Variants in EPHB2 observed in about 807,000 individuals in gnomAD.
The protein encoded by EPHB2 is ephrin type-B receptor 2.
EPHB2 carries 18 observed loss-of-function variants against 96.4 expected under a neutral mutation model. The ratio of observed to expected loss-of-function variants is 0.19; its 90% confidence interval spans 0.13 to 0.28. The LOEUF (loss-of-function observed/expected upper bound fraction) is 0.28, where lower values mean the gene tolerates loss of function less well. EPHB2 is among the 10% of genes least tolerant of loss of function. The pLI is 1.00. For synonymous variants in EPHB2, 506 were observed against 534.1 expected, an observed-to-expected ratio of 0.95 and a Z score of 0.72; for missense variants, 989 against 1,355.4, an observed-to-expected ratio of 0.73 and a Z score of 4.25.
At chr1:22,814,258 C>T (rs1207543613) in intron 3 of EPHB2, among the ~76,000 whole-genome samples, 1 of 152,148 alleles carries the variant, frequency 6.6e-6, no homozygotes, top group Non-Finnish European at 1.5e-5. Flanking sequence ...CATTGAGTGC[C>T]GAACTTGAAC....
Position 22,784,932 on chromosome 1 carries a change from C to G in EPHB2, c.667C>G (p.Arg223Gly). 6.2e-7 allele frequency: 1 copy of G among 1,613,916 alleles called. No individual in the cohort carries two copies. Among genetic ancestry groups the G allele is most frequent in the Non-Finnish European group, 8.5e-7 (1 of 1,180,052 alleles). ...TGAGAGCACATCGCTGGTGGCTGCC[C>G]GGGGCAGCTGCATCGCCAATGCGGA... is the stretch of plus-strand genomic sequence containing the variant. ...GAESTSLVAA[R>G]GSCIANAEEV... The change falls in exon 3 of 16, where the codon CGG becomes GGG. Residue 223 changes from arginine to glycine, a missense_variant. Arg to Gly is a moderately radical substitution (Grantham distance 125). Transcript: ENST00000374630. The surrounding 1 kb of genome is among the most constrained non-coding windows in gnomAD (Gnocchi z 5.1).
intron 3 of EPHB2, among the ~76,000 whole-genome samples, chr1:22,796,019 C>G (rs1644762266): frequency 6.6e-6 from 1 of 152,142 alleles, no homozygotes; most frequent in Non-Finnish European, 1.5e-5. Context: ...CAGGGGAGCC[C>G]AGGGGTCTCA....
At chr1:22,833,106 AT>A (rs913681506) in intron 3 of EPHB2, among the ~76,000 whole-genome samples, 18 of 147,576 alleles carry the variant, frequency 1.2e-4, no homozygotes, top group Admixed American at 1.0e-3. Context: ...CATTTAAGGG[AT>A]TTTTTTTTCT....
chr1:22,772,282 G>A (rs1215483182), intron 1 of EPHB2, among the ~76,000 whole-genome samples: 1 of 152,206 alleles, frequency 6.6e-6, no homozygotes, highest in Admixed American at 6.5e-5. Flanking sequence ...GCAGGCAGGG[G>A]ACAGAGCAGA....
intron 5 of EPHB2, among the ~76,000 whole-genome samples, chr1:22,867,812 C>T (rs1638528632): frequency 6.6e-6 from 1 of 152,146 alleles, no homozygotes; most frequent in South Asian, 2.1e-4. Flanking sequence ...GCAGAGCTTG[C>T]AATGAGCTGA....
At chr1:22,799,496 G>C (rs181007601) in intron 3 of EPHB2, among the ~76,000 whole-genome samples, 144 of 152,324 alleles carry the variant, frequency 9.5e-4, no homozygotes, top group Non-Finnish European at 9.7e-4. Context: ...AGAGCAAGTT[G>C]TGAAGACTCA....
rs905064627 is a variant in EPHB2 at position 22,794,701 on chromosome 1, T to C, written c.811+9625T>C. On this transcript the variant is annotated intron_variant, in intron 3 of 15. Coordinates refer to ENST00000374630, the MANE Select transcript of EPHB2 (RefSeq NM_017449.5). ...GGAAATTGAGGGGAAAAGTCCAAGATGACCCAGCTAGGAAGAAGTAGGGTT... is the reference window on the plus strand; with the variant it reads ...GGAAATTGAGGGGAAAAGTCCAAGACGACCCAGCTAGGAAGAAGTAGGGTT... Among the ~76,000 whole-genome samples the C allele has an allele frequency of 4.6e-5, 7 of 152,128 alleles. No homozygotes were observed. In the South Asian group the frequency reaches 1.5e-3, roughly 32 times the overall value.
rs967873799 is a variant in EPHB2 at position 22,918,418 on chromosome 1, C to G, written c.*4848C>G. On this transcript the variant is annotated 3_prime_UTR_variant, in exon 16 of 16. Coordinates refer to ENST00000374630, the MANE Select transcript of EPHB2 (RefSeq NM_017449.5). The surrounding 1 kb of genome is among the most constrained non-coding windows in gnomAD (Gnocchi z 4.2). Reference sequence around the variant, plus strand: ...GCTGAGCCTGGCGGGGGCGGGCGTGCGGGTGGGCATGAGAAATTGCTCAGG... The same window carrying G: ...GCTGAGCCTGGCGGGGGCGGGCGTGGGGGTGGGCATGAGAAATTGCTCAGG... 2.6e-5 allele frequency: 4 copies of G among 151,772 alleles called. No homozygotes were observed. Among genetic ancestry groups the G allele is most frequent in the Admixed American group, 1.3e-4 (2 of 15,236 alleles). The allele number at this position is 151,772 out of a possible 1,614,324, so 9.4% of individuals were successfully genotyped here. A position where few individuals can be genotyped will look rare whatever the true frequency, so the allele number is the denominator to read the frequency against.
chr1:22,730,464 C>T (rs936103195), intron 1 of EPHB2, among the ~76,000 whole-genome samples: 3 of 152,142 alleles, frequency 2.0e-5, no homozygotes, highest in Non-Finnish European at 4.4e-5. Flanking sequence ...AGGTTTTATT[C>T]TAATGGACAG....
intron 3 of EPHB2, among the ~76,000 whole-genome samples, chr1:22,854,327 A>C (rs1339649401): frequency 1.3e-5 from 2 of 152,160 alleles, no homozygotes; most frequent in Non-Finnish European, 2.9e-5. Context: ...CCTGGACGAC[A>C]TAATGAAACC....
At chr1:22,730,304 C>T (rs572367673) in intron 1 of EPHB2, among the ~76,000 whole-genome samples, 6 of 152,348 alleles carry the variant, frequency 3.9e-5, no homozygotes, top group Admixed American at 2.0e-4. Flanking sequence ...GGATATCAAG[C>T]CAGGTGGCCC....
intron 3 of EPHB2, among the ~76,000 whole-genome samples, chr1:22,831,303 A>G (rs1570354611): frequency 6.6e-6 from 1 of 152,136 alleles, no homozygotes; most frequent in East Asian, 1.9e-4. Context: ...GTAAGTGAGC[A>G]CCAGATACAA....
At chr1:22,734,216 T>C (rs946239913) in intron 1 of EPHB2, among the ~76,000 whole-genome samples, 3 of 152,126 alleles carry the variant, frequency 2.0e-5, no homozygotes, top group Non-Finnish European at 2.9e-5. Context: ...GCTGCCTCTT[T>C]AGCAGGAGCA....
At chr1:22,765,546 C>CAAAAAAA (rs10667863) in intron 1 of EPHB2, among the ~76,000 whole-genome samples, 3 of 115,224 alleles carry the variant, frequency 2.6e-5, no homozygotes, top group African/African-American at 7.0e-5. Flanking sequence ...GACCCTGTCG[C>CAAAAAAA]AAAAAAAAAA....
chr1:22,747,543 A>AG (rs1643993746), intron 1 of EPHB2, among the ~76,000 whole-genome samples: 1 of 151,840 alleles, frequency 6.6e-6, no homozygotes, highest in Non-Finnish European at 1.5e-5. Flanking sequence ...CAGGCAAGGG[A>AG]GGGGGGCTCT....
chr1:22,749,900 TA>T (rs1465275313), intron 1 of EPHB2, among the ~76,000 whole-genome samples: 1 of 142,206 alleles, frequency 7.0e-6, no homozygotes, highest in East Asian at 1.9e-4. Context: ...GAAGTTACCC[TA>T]ATCAAGACGT....
intron 6 of EPHB2, among the ~76,000 whole-genome samples, chr1:22,885,384 C>T (rs892806212): frequency 2.0e-5 from 3 of 152,222 alleles, no homozygotes; most frequent in Non-Finnish European, 2.9e-5. Flanking sequence ...AGGTGTGAAC[C>T]GGGAGGCAGC....
intron 3 of EPHB2, among the ~76,000 whole-genome samples, chr1:22,851,659 T>G (rs1645627412): frequency 6.6e-6 from 1 of 152,224 alleles, no homozygotes; most frequent in African/African-American, 2.4e-5. Context: ...ATCGTGAAGA[T>G]TCTGCTGACT....
chr1:22,856,016 C>T (rs1645692675), intron 3 of EPHB2, among the ~76,000 whole-genome samples: 1 of 152,200 alleles, frequency 6.6e-6, no homozygotes, highest in South Asian at 2.1e-4. Flanking sequence ...ACAGACAGCG[C>T]CCTCTGGTCT....
Sources: allele counts gnomAD v4.1 joint callset (sites outside exome capture counted in the v4.1 genomes callset), GRCh38; gene constraint gnomAD v4.1.1; non-coding constraint Gnocchi (gnomAD v3.1); transcripts MANE v1.5; gene names NCBI Gene and HGNC (gene_info 2026-07-23, HGNC 2026-07-21).